The following PLPP4 variants were observed in gnomAD, a reference collection of about 807,000 sequenced individuals.
PLPP4 encodes diacylglycerol pyrophosphate like 2.
PLPP4 carries 20 observed loss-of-function variants against 32.2 expected under a neutral mutation model. The observed-to-expected ratio is 0.62, with a 90% CI of 0.44 to 0.90. The LOEUF (loss-of-function observed/expected upper bound fraction) is 0.90. Among genes scored for constraint, PLPP4 ranks in the 40% least tolerant of loss-of-function variants. The probability of loss-of-function intolerance (pLI) is 0.00; values close to 1 mark genes in which losing one functional copy is unlikely to be tolerated. For missense variants in PLPP4, 257 were observed against 353.1 expected, an observed-to-expected ratio of 0.73 and a Z score of 2.18; for synonymous variants, 127 against 133.0, an observed-to-expected ratio of 0.95 and a Z score of 0.31.
At chr10:120,475,544 G>A (rs1308365013) in intron 1 of PLPP4, among the ~76,000 whole-genome samples, 1 of 152,156 alleles carries the variant, frequency 6.6e-6, no homozygotes, top group African/African-American at 2.4e-5. Flanking sequence ...AGGAAGTCCT[G>A]GCAGTTCCCT....
chr10:120,529,937 C>T (rs1846623236), intron 5 of PLPP4, among the ~76,000 whole-genome samples: 1 of 152,082 alleles, frequency 6.6e-6, no homozygotes, highest in African/African-American at 2.4e-5. Context: ...GGGCAACAGA[C>T]CAAGACCTGT....
intron 1 of PLPP4, among the ~76,000 whole-genome samples, chr10:120,481,912 G>T (rs1039650455): frequency 1.3e-5 from 2 of 152,160 alleles, no homozygotes; most frequent in Non-Finnish European, 1.5e-5. Context: ...AGTCTCACAA[G>T]ATCTGATGGT....
chr10:120,532,634 C>T (rs1846795206), intron 5 of PLPP4, among the ~76,000 whole-genome samples: 1 of 152,114 alleles, frequency 6.6e-6, no homozygotes, highest in Admixed American at 6.6e-5. Context: ...CCTCTCCCCA[C>T]CCTTCTCTAT....
At chr10:120,558,258 A>G (rs1233840613) in intron 5 of PLPP4, among the ~76,000 whole-genome samples, 2 of 151,788 alleles carry the variant, frequency 1.3e-5, no homozygotes, top group Non-Finnish European at 2.9e-5. Flanking sequence ...TAAGCAAATT[A>G]TTGCTTAGTT....
At chr10:120,565,957 A>C (rs1371531595) in intron 5 of PLPP4, among the ~76,000 whole-genome samples, 1 of 151,868 alleles carries the variant, frequency 6.6e-6, no homozygotes, top group Non-Finnish European at 1.5e-5. Context: ...GGTTTGTTTT[A>C]CTTGCTATTT....
At chr10:120,589,259 A>G (rs1432612640) in intron 6 of PLPP4, 44 bp from the exon 7 acceptor site, 2 of 1,583,648 alleles carry the variant, frequency 1.3e-6, no homozygotes, top group East Asian at 2.2e-5. Context: ...CCACATTTGA[A>G]CAAATGGTAA....
intron 2 of PLPP4, among the ~76,000 whole-genome samples, chr10:120,506,689 C>T (rs1478491061): frequency 6.6e-6 from 1 of 152,150 alleles, no homozygotes; most frequent in East Asian, 1.9e-4. Flanking sequence ...GCCAATTCGG[C>T]AAATGTAACA....
chr10:120,487,358 A>G (rs1367957563), intron 1 of PLPP4, among the ~76,000 whole-genome samples: 3 of 152,218 alleles, frequency 2.0e-5, no homozygotes, highest in Non-Finnish European at 4.4e-5. Flanking sequence ...GTGTGTAGTG[A>G]TTTAGGTGAA....
chr10:120,536,671 CA>C (rs35552215), intron 5 of PLPP4, among the ~76,000 whole-genome samples: 17 of 124,718 alleles, frequency 1.4e-4, no homozygotes, highest in African/African-American at 3.9e-4. Context: ...AAAGCACAGG[CA>C]AAAAAAAAAA....
intron 1 of PLPP4, among the ~76,000 whole-genome samples, chr10:120,478,991 C>G (rs541482162): frequency 9.2e-5 from 14 of 152,306 alleles, no homozygotes; most frequent in Middle Eastern, 3.4e-3. Context: ...CTTTGGGAGG[C>G]CAAGGTGGGC....
chr10:120,536,716 A>C (rs1356323352), intron 5 of PLPP4, among the ~76,000 whole-genome samples: 1 of 151,868 alleles, frequency 6.6e-6, no homozygotes, highest in African/African-American at 2.4e-5. Flanking sequence ...TTACAAAAAA[A>C]CTGATGTTTT....
intron 5 of PLPP4, among the ~76,000 whole-genome samples, chr10:120,559,171 T>G (rs1277324240): frequency 2.0e-5 from 3 of 152,206 alleles, no homozygotes; most frequent in Non-Finnish European, 1.5e-5. Context: ...TCATGCCTTT[T>G]GACCATTTTT....
intron 5 of PLPP4, among the ~76,000 whole-genome samples, chr10:120,550,228 T>C (rs1473448407): frequency 3.3e-5 from 5 of 151,976 alleles, no homozygotes; most frequent in Non-Finnish European, 1.5e-5. Flanking sequence ...TACTTAGGAA[T>C]TAATAAACAA....
intron 5 of PLPP4, among the ~76,000 whole-genome samples, chr10:120,528,106 A>G (rs1194616045): frequency 2.7e-5 from 3 of 110,524 alleles, no homozygotes; most frequent in South Asian, 2.9e-4. Context: ...GCGGAGTCTC[A>G]CTCTGTCGCC....
chr10:120,560,743 A>G (rs1848395689), intron 5 of PLPP4, among the ~76,000 whole-genome samples: 1 of 152,200 alleles, frequency 6.6e-6, no homozygotes, highest in Non-Finnish European at 1.5e-5. Flanking sequence ...TGGCGGAGTG[A>G]GACTCTGTCT....
chr10:120,500,427 C>T (rs1022235366), intron 1 of PLPP4, among the ~76,000 whole-genome samples: 1 of 152,104 alleles, frequency 6.6e-6, no homozygotes, highest in Admixed American at 6.5e-5. Flanking sequence ...CCCTCATCCA[C>T]CTGCTTTTCT....
intron 5 of PLPP4, among the ~76,000 whole-genome samples, chr10:120,557,048 C>A (rs985329949): frequency 2.6e-5 from 4 of 152,112 alleles, no homozygotes; most frequent in Non-Finnish European, 5.9e-5. Context: ...GGGCATGTTT[C>A]ATTGCTAATA....
At chr10:120,470,303 T>G (rs1848460402) in intron 1 of PLPP4, among the ~76,000 whole-genome samples, 1 of 152,256 alleles carries the variant, frequency 6.6e-6, no homozygotes, top group South Asian at 2.1e-4. Flanking sequence ...GAATTATTCT[T>G]ACTGATGTAT....
At chr10:120,498,507 C>G (rs1348574046) in intron 1 of PLPP4, among the ~76,000 whole-genome samples, 1 of 152,098 alleles carries the variant, frequency 6.6e-6, no homozygotes, top group Non-Finnish European at 1.5e-5. Flanking sequence ...TTTTGGTCAT[C>G]AAACCTAATG....
Sources: gnomAD v4.1 joint callset for allele counts (sites outside exome capture counted in the v4.1 genomes callset) on GRCh38, gnomAD v4.1.1 for gene constraint, MANE v1.5 for transcripts, NCBI Gene and HGNC (gene_info 2026-07-23, HGNC 2026-07-21) for gene names.